LRRC8C: variants seen among roughly 807,000 people sequenced by gnomAD.
LRRC8C encodes the protein leucine rich repeat containing 8 VRAC subunit C.
A neutral mutation model predicts 55.3 loss-of-function variants in LRRC8C; 20 were observed. That is an observed-to-expected ratio of 0.36 (90% confidence interval 0.25 to 0.53). LRRC8C has a LOEUF of 0.53. Among genes scored for constraint, LRRC8C ranks in the 20% least tolerant of loss-of-function variants. The pLI, the probability that LRRC8C is intolerant of heterozygous loss-of-function variation, is 0.92. For synonymous variants in LRRC8C, 376 were observed against 360.7 expected (o/e 1.04, Z -0.48); for missense variants, 659 against 951.4 (o/e 0.69, Z 4.04).
intron 1 of LRRC8C, among the ~76,000 whole-genome samples, chr1:89,675,955 G>A (rs752456583): frequency 2.6e-5 from 4 of 152,154 alleles, no homozygotes; most frequent in East Asian, 1.9e-4. Flanking sequence ...GAGGATAATC[G>A]TTTATGAACA....
At chr1:89,623,475 C>T in the LRRC8C span, among the ~76,000 whole-genome samples, 1 of 152,170 alleles carries the variant, frequency 6.6e-6, no homozygotes, top group Non-Finnish European at 1.5e-5. Flanking sequence ...GTAATCCCAG[C>T]ACTTTGGGAG....
intron 1 of LRRC8C, among the ~76,000 whole-genome samples, chr1:89,658,019 A>G (rs987570145): frequency 6.6e-6 from 1 of 152,144 alleles, no homozygotes; most frequent in Non-Finnish European, 1.5e-5. Flanking sequence ...TTTTTTATTG[A>G]AATATACCAT....
intron 2 of LRRC8C, among the ~76,000 whole-genome samples, chr1:89,704,975 T>C (rs1030528132): frequency 1.3e-4 from 20 of 151,812 alleles, no homozygotes; most frequent in Non-Finnish European, 2.6e-4. Flanking sequence ...CATGCACACG[T>C]ATGTTTATTG....
intron 1 of LRRC8C, among the ~76,000 whole-genome samples, chr1:89,669,584 A>T (rs1657362663): frequency 6.6e-6 from 1 of 152,122 alleles, no homozygotes; most frequent in South Asian, 2.1e-4. Context: ...CCACTCTTAC[A>T]TGCTTCCCCA....
rs145612474 is a variant in LRRC8C, at chr1:89,669,366, A to G, written c.-4-17104A>G. 2.4e-3 allele frequency among the ~76,000 whole-genome samples: 362 copies of G among 152,312 alleles called. 1 individual carries two copies. The highest frequency in any genetic ancestry group is 8.1e-3 in the African/African-American group (338 of 41,574). ...GTAAGCTTTAAAGATCTGCTGTACAACATTGTACCTATAGTTACCCAAACT... is the reference window on the plus strand; with the variant it reads ...GTAAGCTTTAAAGATCTGCTGTACAGCATTGTACCTATAGTTACCCAAACT... On this transcript the variant is annotated intron_variant, in intron 1 of 2. Coordinates refer to ENST00000370454, the MANE Select transcript of LRRC8C (RefSeq NM_032270.5).
chr1:89,630,138 C>T (rs1656068930), upstream of LRRC8C, among the ~76,000 whole-genome samples: 1 of 152,198 alleles, frequency 6.6e-6, no homozygotes, highest in South Asian at 2.1e-4. Flanking sequence ...CAGCATGAGA[C>T]TCTGTCTCAG....
At chr1:89,634,584 C>T (rs910967201) in intron 1 of LRRC8C, among the ~76,000 whole-genome samples, 2 of 152,150 alleles carry the variant, frequency 1.3e-5, no homozygotes, top group Non-Finnish European at 2.9e-5. Flanking sequence ...GAGTAGTCCT[C>T]TTGGTTAGCA....
intron 1 of LRRC8C, among the ~76,000 whole-genome samples, chr1:89,640,736 A>C (rs998576585): frequency 2.6e-5 from 4 of 152,218 alleles, no homozygotes; most frequent in African/African-American, 7.2e-5. Flanking sequence ...AGGTATGTCC[A>C]GGGTTTGGAT....
At chr1:89,622,328 A>G in the LRRC8C span, among the ~76,000 whole-genome samples, 1 of 140,808 alleles carries the variant, frequency 7.1e-6, no homozygotes, top group African/African-American at 2.8e-5. Flanking sequence ...GAAATCATAC[A>G]TGTAAAATTT....
At chr1:89,663,479 A>T (rs1287055765) in intron 1 of LRRC8C, among the ~76,000 whole-genome samples, 1 of 151,590 alleles carries the variant, frequency 6.6e-6, no homozygotes, top group East Asian at 1.9e-4. Flanking sequence ...CTGAGGCAGG[A>T]GAATGGTGTG....
At chr1:89,678,123 T>C (rs1266537698) in intron 1 of LRRC8C, among the ~76,000 whole-genome samples, 3 of 152,268 alleles carry the variant, frequency 2.0e-5, no homozygotes, top group Non-Finnish European at 4.4e-5. Context: ...GCTATGCTAA[T>C]GTCCTGGCCC....
rs1313689805 is a variant in LRRC8C, at chr1:89,718,363, G to A, written c.*3381G>A. 1 of 152,076 alleles carries A rather than the reference G, an allele frequency of 6.6e-6. No individual in the cohort carries two copies. The highest frequency in any genetic ancestry group is 1.5e-5 in the Non-Finnish European group (1 of 68,004). 9.4% of individuals were successfully genotyped at this position (152,076 alleles called of 1,614,324 possible). ...GGCTCTCAAGTTGTCTTTGTGGAGA[G>A]GGTCTTAGACAAAAATCTTCCTTGT... On this transcript the variant is annotated 3_prime_UTR_variant, in exon 3 of 3. Transcript: ENST00000370454.
chr1:89,708,146 G>A (rs1027492200), intron 2 of LRRC8C, among the ~76,000 whole-genome samples: 5 of 149,640 alleles, frequency 3.3e-5, no homozygotes, highest in Non-Finnish European at 5.9e-5. Context: ...AAGGCACCAC[G>A]TAACTCCATT....
At chr1:89,675,570 A>G (rs1657527571) in intron 1 of LRRC8C, among the ~76,000 whole-genome samples, 1 of 152,246 alleles carries the variant, frequency 6.6e-6, no homozygotes, top group African/African-American at 2.4e-5. Context: ...CTGTACATTG[A>G]AGGAAGAGAT....
intron 1 of LRRC8C, among the ~76,000 whole-genome samples, chr1:89,644,348 G>A (rs1019995952): frequency 6.6e-6 from 1 of 152,162 alleles, no homozygotes; most frequent in African/African-American, 2.4e-5. Context: ...CTAATGTTTT[G>A]TATATTTAGT....
chr1:89,683,145 T>C (rs1570721656), intron 1 of LRRC8C, among the ~76,000 whole-genome samples: 1 of 152,234 alleles, frequency 6.6e-6, no homozygotes, highest in East Asian at 1.9e-4. Context: ...AGTGGTGATA[T>C]TAATGAATGT....
At chr1:89,639,508 G>A (rs780637574) in intron 1 of LRRC8C, among the ~76,000 whole-genome samples, 9 of 152,158 alleles carry the variant, frequency 5.9e-5, no homozygotes, top group Admixed American at 1.3e-4. Flanking sequence ...CTGGAGCCTG[G>A]CATGCTCCCT....
At chr1:89,657,649 G>A (rs543423296) in intron 1 of LRRC8C, among the ~76,000 whole-genome samples, 6 of 151,088 alleles carry the variant, frequency 4.0e-5, no homozygotes, top group Non-Finnish European at 5.9e-5. Flanking sequence ...ACTGAGGCAG[G>A]AGAATTGCTC....
At chr1:89,678,404 C>T (rs1657605586) in intron 1 of LRRC8C, among the ~76,000 whole-genome samples, 1 of 152,140 alleles carries the variant, frequency 6.6e-6, no homozygotes, top group African/African-American at 2.4e-5. Context: ...AGATGCAATA[C>T]ATCAAGAAAC....
Sources: gnomAD v4.1 joint callset for allele counts (sites outside exome capture counted in the v4.1 genomes callset) on GRCh38, gnomAD v4.1.1 for gene constraint, MANE v1.5 for transcripts, NCBI Gene and HGNC (gene_info 2026-07-23, HGNC 2026-07-21) for gene names.